The following ADAMTSL1 variants were observed in gnomAD, a reference collection of about 807,000 sequenced individuals.
The protein encoded by ADAMTSL1 is ADAMTS like 1.
ADAMTSL1 carries 126 observed loss-of-function variants against 201.8 expected under a neutral mutation model. The ratio of observed to expected loss-of-function variants is 0.62; its 90% CI spans 0.54 to 0.72. The LOEUF is 0.72. ADAMTSL1 is among the 30% of genes least tolerant of loss of function. ADAMTSL1 has a pLI of 0.00. For missense variants in ADAMTSL1, 2,679 were observed against 2,277.8 expected (o/e 1.18, Z -3.59); for synonymous variants, 1,121 against 903.4 (o/e 1.24, Z -4.32).
At chr9:18,142,533 T>C (rs1469621132) in intron 1 of ADAMTSL1, among the ~76,000 whole-genome samples, 1 of 152,170 alleles carries the variant, frequency 6.6e-6, no homozygotes, top group Non-Finnish European at 1.5e-5. Context: ...CAGTGGGGAC[T>C]TGGAAAAGTA....
intron 2 of ADAMTSL1, among the ~76,000 whole-genome samples, chr9:18,432,514 A>G (rs1377044273): frequency 1.3e-5 from 2 of 152,166 alleles, no homozygotes; most frequent in Non-Finnish European, 2.9e-5. Context: ...CACATTCTGA[A>G]TCTTATGTAG....
intron 2 of ADAMTSL1, among the ~76,000 whole-genome samples, chr9:18,299,478 G>T (rs1833612219): frequency 6.6e-6 from 1 of 152,164 alleles, no homozygotes; most frequent in South Asian, 2.1e-4. Flanking sequence ...CTTTATTATT[G>T]CTTAGAACAG....
chr9:18,653,559 T>C (rs1828428296), intron 7 of ADAMTSL1, among the ~76,000 whole-genome samples: 1 of 151,452 alleles, frequency 6.6e-6, no homozygotes, highest in South Asian at 2.1e-4. Flanking sequence ...GAGAACTGCT[T>C]GAGCTCAGGA....
chr9:18,514,695 GTATT>G (rs1818261069), intron 2 of ADAMTSL1, among the ~76,000 whole-genome samples: 1 of 152,186 alleles, frequency 6.6e-6, no homozygotes, highest in Non-Finnish European at 1.5e-5. Context: ...CTTTCGTGAA[GTATT>G]TAGAGTTTTC....
At chr9:18,888,949 C>G (rs974993579) in intron 24 of ADAMTSL1, among the ~76,000 whole-genome samples, 1 of 152,184 alleles carries the variant, frequency 6.6e-6, no homozygotes, top group African/African-American at 2.4e-5. Context: ...AAGCCAGGGC[C>G]TATTTGCAAG....
chr9:18,394,259 G>C (rs138430889), intron 2 of ADAMTSL1, among the ~76,000 whole-genome samples: 36 of 152,244 alleles, frequency 2.4e-4, no homozygotes, highest in Admixed American at 7.2e-4. Flanking sequence ...TCCTCAAGTT[G>C]ATTGTTAAAA....
intron 20 of ADAMTSL1, among the ~76,000 whole-genome samples, chr9:18,811,054 C>T (rs887029160): frequency 7.3e-6 from 1 of 136,894 alleles, no homozygotes; most frequent in African/African-American, 2.7e-5. Flanking sequence ...AGCTAGAAAC[C>T]TTCTCTCTCT....
At chr9:18,346,569 G>A (rs1463590094) in intron 2 of ADAMTSL1, among the ~76,000 whole-genome samples, 2 of 152,158 alleles carry the variant, frequency 1.3e-5, no homozygotes, top group African/African-American at 2.4e-5. Context: ...ACAGAAAAGC[G>A]TTTAGGAAAT....
At chr9:17,997,716 G>A (rs553056634) in intron 1 of ADAMTSL1, among the ~76,000 whole-genome samples, 1 of 152,088 alleles carries the variant, frequency 6.6e-6, no homozygotes, top group South Asian at 2.1e-4. Context: ...TCCTGTGAAG[G>A]GTTCTTTTGA....
intron 1 of ADAMTSL1, among the ~76,000 whole-genome samples, chr9:17,980,925 C>G (rs1307430022): frequency 6.6e-6 from 1 of 151,848 alleles, no homozygotes; most frequent in Non-Finnish European, 1.5e-5. Context: ...AGAGATCAAA[C>G]TGGGGGAGAG....
chr9:18,306,380 T>A (rs1267222778), intron 2 of ADAMTSL1, among the ~76,000 whole-genome samples: 3 of 152,104 alleles, frequency 2.0e-5, no homozygotes, highest in African/African-American at 7.2e-5. Flanking sequence ...AGAAAGTGGA[T>A]AATAACAAAC....
At chr9:17,985,578 T>G (rs994908376) in intron 1 of ADAMTSL1, among the ~76,000 whole-genome samples, 4 of 152,104 alleles carry the variant, frequency 2.6e-5, no homozygotes, top group African/African-American at 7.2e-5. Flanking sequence ...TTGACTGAAA[T>G]GTAGAAACAT....
chr9:18,717,409 A>C (rs897489003), intron 14 of ADAMTSL1, among the ~76,000 whole-genome samples: 1 of 152,072 alleles, frequency 6.6e-6, no homozygotes, highest in African/African-American at 2.4e-5. Flanking sequence ...CACTGTCTCC[A>C]TAGGTTTTTG....
At chr9:18,400,117 GC>G (rs762157501) in intron 2 of ADAMTSL1, among the ~76,000 whole-genome samples, 50 of 110,624 alleles carry the variant, frequency 4.5e-4, no homozygotes, top group Non-Finnish European at 7.7e-4. Flanking sequence ...TCTAACCCTA[GC>G]AACTCCCTCT....
chr9:18,467,531 C>G (rs181875433), intron 2 of ADAMTSL1, among the ~76,000 whole-genome samples: 1 of 152,198 alleles, frequency 6.6e-6, no homozygotes, highest in African/African-American at 2.4e-5. Context: ...ATAATGCATT[C>G]AAATATATTG....
intron 2 of ADAMTSL1, among the ~76,000 whole-genome samples, chr9:18,357,470 A>C (rs1213070996): frequency 6.6e-6 from 1 of 152,166 alleles, no homozygotes; most frequent in East Asian, 1.9e-4. Context: ...GTTCTAGATC[A>C]GAGTCTTTTT....
At chr9:18,580,158 T>C (rs962619576) in intron 4 of ADAMTSL1, among the ~76,000 whole-genome samples, 1 of 152,198 alleles carries the variant, frequency 6.6e-6, no homozygotes, top group Non-Finnish European at 1.5e-5. Flanking sequence ...GAAAGAAGAA[T>C]TCCTTTCAAG....
At chr9:18,235,050 A>G (rs190315734) in intron 2 of ADAMTSL1, among the ~76,000 whole-genome samples, 89 of 152,256 alleles carry the variant, frequency 5.8e-4, no homozygotes, top group Non-Finnish European at 1.1e-3. Flanking sequence ...TATTGCTGTT[A>G]ACCAAATCCT....
chr9:18,096,017 T>C (rs1824236731), intron 1 of ADAMTSL1, among the ~76,000 whole-genome samples: 1 of 152,212 alleles, frequency 6.6e-6, no homozygotes, highest in Non-Finnish European at 1.5e-5. Flanking sequence ...CCTTCATTTC[T>C]GGTTGTCAGG....
Sources: gnomAD v4.1 joint callset for allele counts (sites outside exome capture counted in the v4.1 genomes callset) on GRCh38, gnomAD v4.1.1 for gene constraint, MANE v1.5 for transcripts, NCBI Gene and HGNC (gene_info 2026-07-23, HGNC 2026-07-21) for gene names.